The following LRP3 variants were observed in gnomAD, a reference collection of about 807,000 sequenced individuals.
The protein encoded by LRP3 is low-density lipoprotein receptor-related protein 3.
In LRP3, 49 loss-of-function variants were observed where a neutral mutation model predicts 58.5. The ratio of observed to expected loss-of-function variants is 0.84; its 90% CI spans 0.67 to 1.06. LRP3 has a LOEUF of 1.06. Ranked by LOEUF, LRP3 falls within the 50% of genes least tolerant of loss-of-function variation. The pLI, the probability that LRP3 is intolerant of heterozygous loss-of-function variation, is 0.00. For missense variants in LRP3, 1,019 were observed against 1,134.2 expected (o/e 0.90, Z 1.46); for synonymous variants, 485 against 492.2 (o/e 0.99, Z 0.20).
chr19:33,208,743 A>G lies in LRP3; in HGVS notation c.*1168A>G. 1.0e-6 allele frequency: 1 copy of G among 999,014 alleles called. No individual in the cohort carries two copies. The highest frequency in any genetic ancestry group is 2.1e-4 in the Middle Eastern group (1 of 4,746). The allele number at this position is 999,014 out of a possible 1,614,324, so 61.9% of individuals were successfully genotyped here. A position where few individuals can be genotyped will look rare whatever the true frequency, so the allele number is the denominator to read the frequency against. On this transcript the variant is annotated 3_prime_UTR_variant, in exon 7 of 7. Transcript: ENST00000253193. The surrounding 1 kb of genome is among the most constrained non-coding windows in gnomAD (Gnocchi z 4.7). ...TGCTAAGACAGGAAACCCAGTCCAC[A>G]TTTTAGGGCTTCCTTAAACAGGCTT...
At chr19:33,202,696 C>T in intron 2 of LRP3, 152 bp from the exon 3 acceptor site, 1 of 839,398 alleles carries the variant, frequency 1.2e-6, no homozygotes, top group Non-Finnish European at 1.8e-6. Context: ...TCCATGAAGT[C>T]ACAAGTTGTG....
At chr19:33,204,297 G>A (rs1333939044) in intron 3 of LRP3, 1 of 317,586 alleles carries the variant, frequency 3.1e-6, no homozygotes, top group Non-Finnish European at 5.9e-6. Context: ...AGGGTGTCGG[G>A]GCAGGGGGCT....
chr19:33,205,741 C>A lies in LRP3; in HGVS notation c.971C>A (p.Thr324Lys), dbSNP rs368108554. ...GAGCGCGGGGACCGCCTGCTGCAGA[C>A]GCTGTCCTACCGCAGCAACCACCGG... ...LGERGDRLLQTLSYRSNHRPV... is the reference protein window; with the variant it reads ...LGERGDRLLQKLSYRSNHRPV... The change falls in exon 5 of 7, where the codon ACG becomes AAG. Residue 324 changes from threonine (T) to lysine (K), a missense_variant. Thr to Lys is a moderately conservative substitution (Grantham distance 78). Coordinates refer to ENST00000253193, the MANE Select transcript of LRP3 (RefSeq NM_002333.4). 3.1e-6 allele frequency: 5 copies of A among 1,596,818 alleles called. No individual in the cohort carries two copies. In the African/African-American group the frequency reaches 6.7e-5, roughly 21 times the overall value.
rs747009768 is a variant in LRP3 at position 33,206,222 on chromosome 19, C to T, written c.1452C>T (p.Ser484=). ...CDGQEDCQDG[S]DEHGCLAAVP... is the part of the protein sequence containing the mutation. ...GCCAGGAAGACTGCCAGGACGGCAG[C>T]GATGAGCATGGGTGCCTGGCCGCCG... Residue 484 remains serine (S), a synonymous_variant, in exon 5 of 7, where the codon AGC becomes AGT. Coordinates refer to ENST00000253193, the MANE Select transcript of LRP3 (RefSeq NM_002333.4). The T allele has an allele frequency of 3.9e-5, 62 of 1,594,926 alleles. No homozygotes were observed. Among genetic ancestry groups the T allele is most frequent in the Admixed American group, 6.7e-5 (4 of 59,352 alleles).
At position 33,206,230 on chromosome 19, in the gene LRP3, A is replaced by G. The variant is rs530892419; in HGVS notation, c.1460A>G (p.His487Arg). ...GACTGCCAGGACGGCAGCGATGAGC[A>G]TGGGTGCCTGGCCGCCGTGCCCCGC... ...QEDCQDGSDE[H>R]GCLAAVPRKV... The change falls in exon 5 of 7, where the codon CAT becomes CGT. Residue 487 changes from histidine (H) to arginine (R), a missense_variant. Transcript: ENST00000253193. 26 of 1,597,618 alleles carry G rather than the reference A, an allele frequency of 1.6e-5. No homozygotes were observed. Among genetic ancestry groups the G allele is most frequent in the Admixed American group, 1.2e-4 (7 of 59,588 alleles).
rs1394267439 is a variant in LRP3, at chr19:33,206,014, C to T, written c.1244C>T (p.Ala415Val). ...ASGRDEQGCP[A>V]CPPDQYPCEG... is the part of the protein sequence containing the mutation. Reference sequence around the variant, plus strand: ...GGCCGAGACGAGCAGGGCTGCCCTGCCTGCCCGCCCGACCAGTACCCCTGC... The same window carrying T: ...GGCCGAGACGAGCAGGGCTGCCCTGTCTGCCCGCCCGACCAGTACCCCTGC... Residue 415 changes from alanine (A) to valine (V), a missense_variant, in exon 5 of 7, where the codon GCC becomes GTC. Ala to Val is a moderately conservative substitution (Grantham distance 64). Transcript: ENST00000253193. 2 of 1,581,514 alleles carry T rather than the reference C, an allele frequency of 1.3e-6. No individual in the cohort carries two copies. Among genetic ancestry groups the T allele is most frequent in the Non-Finnish European group, 1.7e-6 (2 of 1,164,630 alleles).
At position 33,207,693 on chromosome 19, in the gene LRP3, G is replaced by A; in HGVS notation, c.*118G>A. The A allele has an allele frequency of 1.2e-6, 1 of 807,302 alleles. No homozygotes were observed. The highest frequency in any genetic ancestry group is 2.0e-6 in the Non-Finnish European group (1 of 506,074). 50.0% of individuals were successfully genotyped at this position (807,302 alleles called of 1,614,324 possible). A position where few individuals can be genotyped will look rare whatever the true frequency, so the allele number is the denominator to read the frequency against. ...GAGGCCCTCCGGGGACCCCAGCGGA[G>A]GGGCTGGCCCCTAAGCCAGCTGGCT... On this transcript the variant is annotated 3_prime_UTR_variant, in exon 7 of 7. Transcript: ENST00000253193.
chr19:33,207,523 C>G lies in LRP3; in HGVS notation c.2261C>G (p.Pro754Arg), dbSNP rs763416137. Reference protein sequence around the residue: ...PLGVCRNPPPPCSPMLEASDD... With the variant: ...PLGVCRNPPPRCSPMLEASDD... ...GGGGTCTGCAGGAACCCCCCGCCCC[C>G]CTGCTCCCCAATGCTGGAGGCCAGC... is the stretch of plus-strand genomic sequence containing the variant. The change falls in exon 7 of 7, where the codon CCC becomes CGC. Residue 754 changes from proline (P) to arginine (R), a missense_variant. Pro to Arg is a moderately radical substitution (Grantham distance 103). This residue lies in a region of LRP3 where 427 missense variants were observed against 408.6 expected (regional missense o/e 1.04). Transcript: ENST00000253193. 8 of 1,605,742 alleles carry G rather than the reference C, an allele frequency of 5.0e-6. No individual in the cohort carries two copies. Among genetic ancestry groups the G allele is most frequent in the African/African-American group, 1.3e-5 (1 of 74,914 alleles).
chr19:33,197,463 A>G (rs1599932052), intron 2 of LRP3, among the ~76,000 whole-genome samples: 2 of 152,208 alleles, frequency 1.3e-5, no homozygotes, highest in African/African-American at 4.8e-5. Flanking sequence ...CATCTCTACA[A>G]AAAAAATCTG....
chr19:33,208,848 C>T lies in LRP3; in HGVS notation c.*1273C>T. 1 of 1,572,808 alleles carries T rather than the reference C, an allele frequency of 6.4e-7. No individual in the cohort carries two copies. Among genetic ancestry groups the T allele is most frequent in the South Asian group, 1.1e-5 (1 of 90,582 alleles). On this transcript the variant is annotated 3_prime_UTR_variant, in exon 7 of 7. Transcript: ENST00000253193. This position sits in a 1 kb window ranked among gnomAD's most constrained non-coding sequence, Gnocchi z 4.7. ...TTTGCCAAAACACCTCCTCAATAAA[C>T]AACATGTAAACAGAAACAACTGCTT...
Position 33,207,755 on chromosome 19 carries a change from G to GT in LRP3, c.*180_*181insT, listed in dbSNP as rs1037783078. 4 of 598,764 alleles carry GT rather than the reference G, an allele frequency of 6.7e-6. No individual in the cohort carries two copies. The highest frequency in any genetic ancestry group is 2.0e-5 in the South Asian group (1 of 50,430). 37.1% of individuals were successfully genotyped at this position (598,764 alleles called of 1,614,324 possible). On this transcript the variant is annotated 3_prime_UTR_variant, in exon 7 of 7. Transcript: ENST00000253193. Reference sequence around the variant, plus strand: ...CGGGAGCTGTGGGACTGAACGGCGGGGGGGAGAAGAGTGGAGTGGTGAGCC... The same window carrying GT: ...CGGGAGCTGTGGGACTGAACGGCGGGTGGGGAGAAGAGTGGAGTGGTGAGCC...
In LRP3 at chr19:33,194,823, C is replaced by A; in HGVS notation, c.38C>A (p.Pro13Gln). The A allele has an allele frequency of 2.7e-6, 3 of 1,094,064 alleles. No individual in the cohort carries two copies. The highest frequency in any genetic ancestry group is 3.3e-6 in the Non-Finnish European group (3 of 901,208). The allele number at this position is 1,094,064 out of a possible 1,614,324, so 67.8% of individuals were successfully genotyped here. The change falls in exon 1 of 7, where the codon CCG (proline) becomes CAG (glutamine). Residue 13 changes from proline to glutamine, a missense_variant. Physicochemically the swap from Pro to Gln is moderately conservative, Grantham distance 76. Coordinates refer to ENST00000253193, the MANE Select transcript of LRP3 (RefSeq NM_002333.4). ...KRAAAGLEGA[P>Q]GARAQLAVVC... is the part of the protein sequence containing the mutation. Reference sequence around the variant, plus strand: ...GCGGCCGCGGGGCTGGAGGGCGCGCCGGGCGCCCGGGCGCAGCTGGCCGTC... The same window carrying A: ...GCGGCCGCGGGGCTGGAGGGCGCGCAGGGCGCCCGGGCGCAGCTGGCCGTC...
intron 1 of LRP3, 54 bp downstream of exon 1, chr19:33,194,912 G>A (rs1974269640): frequency 2.1e-6 from 2 of 956,612 alleles, no homozygotes; most frequent in Admixed American, 5.2e-5. Flanking sequence ...GGCAGTCCGC[G>A]CCGCGCCCTG....
chr19:33,202,615 A>G (rs1974352425), intron 2 of LRP3, among the ~76,000 whole-genome samples: 1 of 152,162 alleles, frequency 6.6e-6, no homozygotes. Flanking sequence ...GCTGTAGTCC[A>G]CTGCATAGGG....
chr19:33,202,899 A>C lies in LRP3; in HGVS notation c.173A>C (p.Tyr58Ser). 1 of 1,611,618 alleles carries C rather than the reference A, an allele frequency of 6.2e-7. No homozygotes were observed. Among genetic ancestry groups the C allele is most frequent in the Non-Finnish European group, 8.5e-7 (1 of 1,179,110 alleles). Residue 58 changes from tyrosine to serine, a missense_variant, in exon 3 of 7, where the codon TAC becomes TCC. Coordinates refer to ENST00000253193, the MANE Select transcript of LRP3 (RefSeq NM_002333.4). ...CACACGGAGCGGCGTGGGGTCATCT[A>C]CAGCCCGGCCTGGCCCCTCAACTAC... ...EQHTERRGVIYSPAWPLNYPP... is the reference protein window; with the variant it reads ...EQHTERRGVISSPAWPLNYPP...
chr19:33,206,388 G>C (rs1568384165), intron 5 of LRP3, 26 bp downstream of exon 5: 1 of 1,602,344 alleles, frequency 6.2e-7, no homozygotes, highest in Non-Finnish European at 8.5e-7. Context: ...GCAGCCAGGG[G>C]ACCGGGCTTC....
At position 33,207,202 on chromosome 19, in the gene LRP3, C is replaced by T. The variant is rs1321828808; in HGVS notation, c.1940C>T (p.Ala647Val). The part of the protein sequence containing the change: ...DGFLQPAPGA[A>V]PDPPAPLMDT... ...TTCCTCCAGCCTGCTCCAGGGGCTG[C>T]CCCCGACCCCCCAGCACCGCTCATG... Residue 647 changes from alanine (A) to valine (V), a missense_variant, in exon 7 of 7, where the codon GCC (alanine) becomes GTC (valine). Around this residue, in one of 2 missense-constraint regions of LRP3, gnomAD observed 427 missense variants for 408.6 expected, o/e 1.04. Transcript: ENST00000253193. 3.2e-6 allele frequency: 5 copies of T among 1,551,390 alleles called. No homozygotes were observed. Among genetic ancestry groups the T allele is most frequent in the Non-Finnish European group, 4.3e-6 (5 of 1,153,888 alleles).
rs777401994 is a variant in LRP3 at position 33,206,750 on chromosome 19, C to T, written c.1725+17C>T. The T allele has an allele frequency of 6.0e-6, 9 of 1,507,882 alleles. No individual in the cohort carries two copies. Among genetic ancestry groups the T allele is most frequent in the Middle Eastern group, 1.8e-4 (1 of 5,560 alleles). 93.4% of individuals were successfully genotyped at this position (1,507,882 alleles called of 1,614,324 possible). On this transcript the variant is annotated intron_variant, in intron 6 of 6. Transcript: ENST00000253193. ...GCGTCCCAGGTGAGCCCCCGGAGGG[C>T]GTGAGGCCCCTCCGGGGCCACTTGG...
Position 33,205,795 on chromosome 19 carries a change from G to A in LRP3, c.1025G>A (p.Arg342His), listed in dbSNP as rs373696128. 1.0e-5 allele frequency: 16 copies of A among 1,585,102 alleles called. No individual in the cohort carries two copies. In the African/African-American group the frequency reaches 1.1e-4, roughly 11 times the overall value. Reference sequence around the variant, plus strand: ...GTGAGCCTGGAGGCCGCCCAGGGCCGCCTCACTGTGGCCTACCACGCGCGC... The same window carrying A: ...GTGAGCCTGGAGGCCGCCCAGGGCCACCTCACTGTGGCCTACCACGCGCGC... The part of the protein sequence containing the change: ...RPVSLEAAQG[R>H]LTVAYHARAR... The change falls in exon 5 of 7, where the codon CGC becomes CAC. Residue 342 changes from arginine (R) to histidine (H), a missense_variant. Arg to His is a conservative substitution (Grantham distance 29). Around this residue, in one of 2 missense-constraint regions of LRP3, gnomAD observed 592 missense variants for 725.5 expected, o/e 0.82. Transcript: ENST00000253193.
Sources: gnomAD v4.1 joint callset for allele counts (sites outside exome capture counted in the v4.1 genomes callset) on GRCh38, gnomAD v4.1.1 for gene constraint, gnomAD v4.1.1 regional missense constraint, Gnocchi (gnomAD v3.1) non-coding constraint, MANE v1.5 for transcripts, NCBI Gene and HGNC (gene_info 2026-07-23, HGNC 2026-07-21) for gene names.